The following CRACD variants were observed in gnomAD, a reference collection of about 807,000 sequenced individuals.
The protein encoded by CRACD is capping protein inhibiting regulator of actin dynamics.
Under a neutral mutation model 106.8 loss-of-function variants are expected in CRACD, and 56 were observed. That is an observed-to-expected ratio of 0.52 (90% CI 0.42 to 0.66). CRACD has a LOEUF of 0.66. CRACD is among the 30% of genes least tolerant of loss of function. The pLI is 0.00. For synonymous variants in CRACD, 754 were observed against 670.8 expected, an observed-to-expected ratio of 1.12 and a Z score of -1.92; for missense variants, 1,730 against 1,623.2, an observed-to-expected ratio of 1.07 and a Z score of -1.13.
chr4:56,230,513 CAGA>C (rs1164823760), intron 2 of CRACD, among the ~76,000 whole-genome samples: 1 of 152,158 alleles, frequency 6.6e-6, no homozygotes, highest in Non-Finnish European at 1.5e-5. Flanking sequence ...GAAATTGAGT[CAGA>C]AGGTCTAGTT....
intron 2 of CRACD, among the ~76,000 whole-genome samples, chr4:56,220,822 G>A (rs909015695): frequency 2.6e-5 from 4 of 152,102 alleles, no homozygotes; most frequent in Non-Finnish European, 5.9e-5. Context: ...AGTCCTAATA[G>A]GGGAGCACAG....
At chr4:56,176,521 C>T (rs1354810656) in intron 1 of CRACD, among the ~76,000 whole-genome samples, 1 of 150,680 alleles carries the variant, frequency 6.6e-6, no homozygotes, top group Non-Finnish European at 1.5e-5. Context: ...CTCCACCTCC[C>T]AGGTTCACAC....
chr4:56,075,305 C>T (rs1732802305), intron 1 of CRACD, among the ~76,000 whole-genome samples: 1 of 152,134 alleles, frequency 6.6e-6, no homozygotes, highest in Admixed American at 6.5e-5. Flanking sequence ...GGCCGTGAAT[C>T]CGTCTGGACC....
chr4:56,185,799 G>A (rs539861943), intron 2 of CRACD, among the ~76,000 whole-genome samples: 185 of 152,288 alleles, frequency 1.2e-3, no homozygotes, highest in Middle Eastern at 3.4e-3. Flanking sequence ...TGTTCTAGTG[G>A]TCTGAACTTC....
At chr4:56,253,052 G>A (rs1479007) in intron 2 of CRACD, among the ~76,000 whole-genome samples, 16,238 of 152,066 alleles carry the variant, frequency 0.11, 883 homozygotes, top group African/African-American at 0.12. Context: ...TTGGGGATTC[G>A]GGTTATAGGA....
chr4:56,273,652 G>A (rs375965311), intron 3 of CRACD, among the ~76,000 whole-genome samples: 112 of 152,172 alleles, frequency 7.4e-4, no homozygotes, highest in African/African-American at 2.5e-3. Context: ...GCCCTTGCCT[G>A]TGTTCTTGTA....
intron 2 of CRACD, among the ~76,000 whole-genome samples, chr4:56,191,891 A>G (rs189868408): frequency 6.6e-6 from 1 of 152,302 alleles, no homozygotes; most frequent in African/African-American, 2.4e-5. Flanking sequence ...TTTCTTGTAC[A>G]TGAATCTGCT....
intron 1 of CRACD, among the ~76,000 whole-genome samples, chr4:56,123,009 G>A (rs115173878): frequency 1.2e-3 from 182 of 152,290 alleles, no homozygotes; most frequent in African/African-American, 4.1e-3. Context: ...TGCCACATCC[G>A]TTAAATTTTA....
chr4:56,299,846 C>CAA lies in CRACD; in HGVS notation c.120+1509_120+1510dup, dbSNP rs60808205. On this transcript the variant is annotated intron_variant, in intron 4 of 10. Transcript: ENST00000682029. ...TTAAATGAATGAATCAATAAACGAG[C>CAA]AAAAAAAAAAAAAGGAAAAGAGAAC... Among the ~76,000 whole-genome samples, 402 of 136,452 alleles carry CAA rather than the reference C, an allele frequency of 2.9e-3. 2 individuals carry two copies. Among genetic ancestry groups the CAA allele is most frequent in the Middle Eastern group, 0.014 (4 of 278 alleles). 89.5% of individuals were successfully genotyped at this position (136,452 alleles called of 152,430 possible). A position where few individuals can be genotyped will look rare whatever the true frequency, so the allele number is the denominator to read the frequency against.
At chr4:56,234,591 A>G (rs1739850215) in intron 2 of CRACD, among the ~76,000 whole-genome samples, 1 of 152,198 alleles carries the variant, frequency 6.6e-6, no homozygotes, top group South Asian at 2.1e-4. Context: ...TAATAAAAAT[A>G]TTATTTTTGT....
chr4:56,261,368 T>TTG (rs386400118), intron 2 of CRACD, among the ~76,000 whole-genome samples: 1 of 150,846 alleles, frequency 6.6e-6, no homozygotes, highest in Admixed American at 6.6e-5. Flanking sequence ...CTTCTTTTTT[T>TTG]TTTTTTTGAG....
Position 56,292,078 on chromosome 4 carries a change from C to T in CRACD, c.-16-6136C>T, listed in dbSNP as rs192973940. ...ATGGACAGTGAAGGCCAGGCTGATG[C>T]GGTCTCAGATGGAAATAAGGAACTT... On this transcript the variant is annotated intron_variant, in intron 3 of 10. Coordinates refer to ENST00000682029, the MANE Select transcript of CRACD (RefSeq NM_001393381.1). Among the ~76,000 whole-genome samples, 500 of 152,280 alleles carry T rather than the reference C, an allele frequency of 3.3e-3. 2 individuals carry two copies. The highest frequency in any genetic ancestry group is 5.2e-3 in the Non-Finnish European group (356 of 68,010).
chr4:56,147,908 G>A (rs1735444033), intron 1 of CRACD, among the ~76,000 whole-genome samples: 1 of 152,176 alleles, frequency 6.6e-6, no homozygotes, highest in Non-Finnish European at 1.5e-5. Flanking sequence ...TTGAGATGGG[G>A]CCATAATGGA....
At chr4:56,145,457 T>C (rs959629112) in intron 1 of CRACD, among the ~76,000 whole-genome samples, 3 of 152,178 alleles carry the variant, frequency 2.0e-5, no homozygotes, top group African/African-American at 7.2e-5. Flanking sequence ...CAAAACCTTT[T>C]TCTCCCCATA....
chr4:56,212,724 G>A (rs115039865), intron 2 of CRACD, among the ~76,000 whole-genome samples: 2 of 152,098 alleles, frequency 1.3e-5, no homozygotes, highest in Non-Finnish European at 2.9e-5. Context: ...AGAAACAAAG[G>A]GGGGAGAACA....
At chr4:56,257,590 G>A (rs1292158038) in intron 2 of CRACD, among the ~76,000 whole-genome samples, 1 of 151,638 alleles carries the variant, frequency 6.6e-6, no homozygotes, top group African/African-American at 2.4e-5. Flanking sequence ...AGCTACTCCA[G>A]AGGCTGAGGT....
At chr4:56,275,917 C>T (rs986951349) in intron 3 of CRACD, among the ~76,000 whole-genome samples, 7 of 152,164 alleles carry the variant, frequency 4.6e-5, no homozygotes, top group African/African-American at 9.7e-5. Context: ...GGTGGGATTT[C>T]GGCACTGGGT....
At chr4:56,114,979 A>G (rs1046547390) in intron 1 of CRACD, among the ~76,000 whole-genome samples, 4 of 152,316 alleles carry the variant, frequency 2.6e-5, no homozygotes, top group Non-Finnish European at 5.9e-5. Flanking sequence ...GATAAAATGT[A>G]CAAATATTTA....
chr4:56,193,354 G>A (rs1024536709), intron 2 of CRACD, among the ~76,000 whole-genome samples: 10 of 152,042 alleles, frequency 6.6e-5, no homozygotes, highest in African/African-American at 1.7e-4. Context: ...CACCAGCCTC[G>A]GGATACACCC....
Sources: allele counts gnomAD v4.1 joint callset (sites outside exome capture counted in the v4.1 genomes callset), GRCh38; gene constraint gnomAD v4.1.1; transcripts MANE v1.5; gene names NCBI Gene and HGNC (gene_info 2026-07-23, HGNC 2026-07-21).